CNTNAP2: variants seen among roughly 807,000 people sequenced by gnomAD.
The protein encoded by CNTNAP2 is contactin associated protein 2.
Under a neutral mutation model 155.2 loss-of-function variants are expected in CNTNAP2, and 98 were observed. The ratio of observed to expected loss-of-function variants is 0.63; its 90% CI spans 0.54 to 0.75. CNTNAP2 has a LOEUF of 0.75. Ranked by LOEUF, CNTNAP2 falls within the 30% of genes least tolerant of loss-of-function variation. The pLI is 0.00. For synonymous variants in CNTNAP2, 651 were observed against 631.2 expected (o/e 1.03, Z -0.47); for missense variants, 1,727 against 1,688.1 (o/e 1.02, Z -0.40).
intron 1 of CNTNAP2, among the ~76,000 whole-genome samples, chr7:146,443,117 G>A (rs1406985538): frequency 2.0e-5 from 3 of 151,938 alleles, no homozygotes; most frequent in African/African-American, 7.3e-5. Flanking sequence ...GGGAGGCTGA[G>A]GCAGGGAAAT....
chr7:148,253,483 A>G lies in CNTNAP2; in HGVS notation c.3382-13550A>G, dbSNP rs572427042. ...TTGTTTCATGTCATGTTTTCCAAAC[A>G]AGAATCTAAAGCGCCTTGAGCCCAG... On this transcript the variant is annotated intron_variant, in intron 20 of 23. Coordinates refer to ENST00000361727, the MANE Select transcript of CNTNAP2 (RefSeq NM_014141.6). Among the ~76,000 whole-genome samples, 4 of 152,374 alleles carry G rather than the reference A, an allele frequency of 2.6e-5. No individual in the cohort carries two copies. The South Asian group carries it at 8.3e-4, about 32-fold the overall frequency.
chr7:148,131,087 C>CTTTTTTTTTTTT (rs755587892), intron 16 of CNTNAP2, among the ~76,000 whole-genome samples: 13 of 97,180 alleles, frequency 1.3e-4, no homozygotes, highest in African/African-American at 2.1e-4. Context: ...TTTTCTTCTT[C>CTTTTTTTTTTTT]TTTTTTTTTT....
intron 19 of CNTNAP2, among the ~76,000 whole-genome samples, chr7:148,218,317 T>A (rs569765069): frequency 6.6e-6 from 1 of 152,376 alleles, no homozygotes; most frequent in African/African-American, 2.4e-5. Flanking sequence ...ATCAGAAATG[T>A]CTTCATTCCC....
chr7:147,347,051 A>G (rs1322042372), intron 9 of CNTNAP2, among the ~76,000 whole-genome samples: 3 of 152,182 alleles, frequency 2.0e-5, no homozygotes, highest in Non-Finnish European at 4.4e-5. Flanking sequence ...GGAGGAGCCT[A>G]TTGTTTAGTG....
At chr7:146,942,814 T>C (rs1797083329) in intron 3 of CNTNAP2, among the ~76,000 whole-genome samples, 1 of 152,206 alleles carries the variant, frequency 6.6e-6, no homozygotes, top group African/African-American at 2.4e-5. Flanking sequence ...CTTTCCAAAA[T>C]ATCGACATTG....
intron 8 of CNTNAP2, among the ~76,000 whole-genome samples, chr7:147,241,223 C>A (rs184459022): frequency 1.3e-5 from 2 of 152,206 alleles, no homozygotes; most frequent in Admixed American, 6.5e-5. Context: ...CAAGGACAAA[C>A]ACAATTTTCA....
intron 1 of CNTNAP2, among the ~76,000 whole-genome samples, chr7:146,324,571 G>A (rs1584869411): frequency 6.6e-6 from 1 of 152,080 alleles, no homozygotes; most frequent in Non-Finnish European, 1.5e-5. Context: ...GTATTACATT[G>A]ATTCCTGACA....
chr7:146,644,924 C>G (rs983390679), intron 1 of CNTNAP2, among the ~76,000 whole-genome samples: 1 of 152,092 alleles, frequency 6.6e-6, no homozygotes, highest in Non-Finnish European at 1.5e-5. Context: ...TGGTACCATT[C>G]CTTCTGAAAC....
intron 2 of CNTNAP2, among the ~76,000 whole-genome samples, chr7:146,838,241 T>C (rs890866983): frequency 6.6e-6 from 1 of 152,200 alleles, no homozygotes; most frequent in Non-Finnish European, 1.5e-5. Context: ...GCTCACCTTA[T>C]TTGTTTATCT....
chr7:146,553,261 T>C (rs1798147742), intron 1 of CNTNAP2, among the ~76,000 whole-genome samples: 1 of 152,100 alleles, frequency 6.6e-6, no homozygotes, highest in South Asian at 2.1e-4. Flanking sequence ...ATGTCTATTC[T>C]TGAATCATAA....
intron 8 of CNTNAP2, among the ~76,000 whole-genome samples, chr7:147,215,413 G>C (rs1803245851): frequency 6.6e-6 from 1 of 152,100 alleles, no homozygotes; most frequent in African/African-American, 2.4e-5. Flanking sequence ...CCATAGTTTA[G>C]CCTTGTCCAT....
chr7:147,838,828 C>A (rs1303051836), intron 13 of CNTNAP2, among the ~76,000 whole-genome samples: 1 of 152,158 alleles, frequency 6.6e-6, no homozygotes, highest in Non-Finnish European at 1.5e-5. Flanking sequence ...TACCCAGTTC[C>A]AAAATTGCTT....
At chr7:147,080,619 T>A (rs1800102540) in intron 4 of CNTNAP2, among the ~76,000 whole-genome samples, 1 of 144,764 alleles carries the variant, frequency 6.9e-6, no homozygotes, top group African/African-American at 2.7e-5. Context: ...GCATAGAATT[T>A]TATATATATA....
At chr7:147,367,083 G>C (rs141758240) in intron 9 of CNTNAP2, among the ~76,000 whole-genome samples, 1 of 152,072 alleles carries the variant, frequency 6.6e-6, no homozygotes, top group Non-Finnish European at 1.5e-5. Flanking sequence ...AGTGAGACCC[G>C]GTGTATACAA....
chr7:146,772,205 G>A (rs185322607), intron 1 of CNTNAP2, among the ~76,000 whole-genome samples: 54 of 152,054 alleles, frequency 3.6e-4, no homozygotes, highest in Non-Finnish European at 1.2e-4. Context: ...AGAAAATCAA[G>A]CAGGATGTGG....
chr7:147,743,733 C>T (rs1450189047), intron 13 of CNTNAP2, among the ~76,000 whole-genome samples: 2 of 151,422 alleles, frequency 1.3e-5, no homozygotes, highest in African/African-American at 2.4e-5. Flanking sequence ...ACTGACCTCT[C>T]GTGTGTTTTA....
At chr7:146,703,968 AT>A (rs1416121769) in intron 1 of CNTNAP2, among the ~76,000 whole-genome samples, 1 of 151,688 alleles carries the variant, frequency 6.6e-6, no homozygotes, top group Non-Finnish European at 1.5e-5. Flanking sequence ...GCTTTCTCTT[AT>A]TTCCTCTTCA....
intron 1 of CNTNAP2, among the ~76,000 whole-genome samples, chr7:146,415,978 T>C (rs1377833093): frequency 6.6e-6 from 1 of 152,016 alleles, no homozygotes; most frequent in Non-Finnish European, 1.5e-5. Flanking sequence ...GTACACATTT[T>C]GTGATAGTTT....
At chr7:147,625,351 G>A (rs1356861269) in intron 12 of CNTNAP2, among the ~76,000 whole-genome samples, 4 of 152,036 alleles carry the variant, frequency 2.6e-5, no homozygotes, top group African/African-American at 7.2e-5. Context: ...CTGTATCAAA[G>A]TATCTCATGT....
Sources: gnomAD v4.1 joint callset for allele counts (sites outside exome capture counted in the v4.1 genomes callset) on GRCh38, gnomAD v4.1.1 for gene constraint, MANE v1.5 for transcripts, NCBI Gene and HGNC (gene_info 2026-07-23, HGNC 2026-07-21) for gene names.